Variants in KANK3 observed in about 807,000 individuals in gnomAD.
KANK3 encodes the protein KN motif and ankyrin repeat domains 3.
A neutral mutation model predicts 65.4 loss-of-function variants in KANK3; 61 were observed. The observed-to-expected ratio is 0.93, with a 90% CI of 0.76 to 1.15. The LOEUF (loss-of-function observed/expected upper bound fraction) is 1.15, where lower values mean the gene tolerates loss of function less well. KANK3 is among the 50% of genes most tolerant of loss of function. The pLI, the probability that KANK3 is intolerant of heterozygous loss-of-function variation, is 0.00. For missense variants in KANK3, 1,187 were observed against 1,178.8 expected (o/e 1.01, Z -0.10); for synonymous variants, 586 against 543.3 (o/e 1.08, Z -1.09).
intron 1 of KANK3, 89 bp from the exon 2 acceptor site, chr19:8,337,945 A>G: frequency 6.5e-7 from 1 of 1,546,530 alleles, no homozygotes; most frequent in East Asian, 2.4e-5. Flanking sequence ...ACAGGACCCA[A>G]GAGCTCTCCT....
At position 8,324,745 on chromosome 19, in the gene KANK3, T is replaced by C. The variant is rs1970390748; in HGVS notation, c.2168A>G (p.Asn723Ser). 4 of 1,614,066 alleles carry C rather than the reference T, an allele frequency of 2.5e-6. No individual in the cohort carries two copies. The highest frequency in any genetic ancestry group is 3.4e-6 in the Non-Finnish European group (4 of 1,180,014). The part of the protein sequence containing the change: ...ATLLACGADV[N>S]AQDADGATAL... ...TGTGGCCCCATCCGCATCCTGCGCATTCACATCAGCCCCACACGCCAGTAG... is the reference window on the plus strand; with the variant it reads ...TGTGGCCCCATCCGCATCCTGCGCACTCACATCAGCCCCACACGCCAGTAG... The change falls in exon 9 of 11, where the codon AAT becomes AGT. Residue 723 changes from asparagine to serine, a missense_variant. Around this residue, in one of 3 missense-constraint regions of KANK3, gnomAD observed 1,078 missense variants for 1,038.2 expected, o/e 1.04. Coordinates refer to ENST00000330915, the MANE Select transcript of KANK3 (RefSeq NM_198471.3).
intron 7 of KANK3, chr19:8,332,741 T>A (rs1300172011): frequency 5.9e-6 from 1 of 168,390 alleles, no homozygotes; most frequent in Non-Finnish European, 1.2e-5. Flanking sequence ...CGCTTGAACC[T>A]GGGAGGCGGA....
rs761573919 is a variant in KANK3, at chr19:8,333,947, C to T, written c.1597G>A (p.Glu533Lys). The T allele has an allele frequency of 7.6e-6, 12 of 1,569,382 alleles. No individual in the cohort carries two copies. Among genetic ancestry groups the T allele is most frequent in the Non-Finnish European group, 1.0e-5 (12 of 1,161,508 alleles). Residue 533 changes from glutamate (E) to lysine (K), a missense_variant, in exon 5 of 11, where the codon GAG (glutamate) becomes AAG (lysine). Glu to Lys is a moderately conservative substitution (Grantham distance 56). Coordinates refer to ENST00000330915, the MANE Select transcript of KANK3 (RefSeq NM_198471.3). The surrounding 1 kb of genome is among the most constrained non-coding windows in gnomAD (Gnocchi z 5.0). ...SGGDIRDPEP[E>K]AEAEPQQVAQ... Reference sequence around the variant, plus strand: ...ACCTGCTGAGGCTCTGCCTCCGCCTCGGGCTCAGGGTCCCGGATGTCCCCG... The same window carrying T: ...ACCTGCTGAGGCTCTGCCTCCGCCTTGGGCTCAGGGTCCCGGATGTCCCCG...
chr19:8,332,883 A>G (rs1011836268), intron 7 of KANK3, 131 bp downstream of exon 7: 21 of 513,534 alleles, frequency 4.1e-5, no homozygotes, highest in African/African-American at 2.7e-4. Context: ...AATAAACTCA[A>G]GGAGGAGTGG....
rs1555684729 is a variant in KANK3 at position 8,340,275 on chromosome 19, C to CAT, written c.-28-2421_-28-2420dup. Among the ~76,000 whole-genome samples, 560 of 66,086 alleles carry CAT rather than the reference C, an allele frequency of 8.5e-3. 7 individuals carry two copies. The highest frequency in any genetic ancestry group is 0.012 in the East Asian group (22 of 1,906). 43.4% of individuals were successfully genotyped at this position (66,086 alleles called of 152,430 possible). A position where few individuals can be genotyped will look rare whatever the true frequency, so the allele number is the denominator to read the frequency against. The stretch of plus-strand genomic sequence containing the variant: ...AGACTCCGTCTCAAAAAAAAAAAAC[C>CAT]ATATATATATATATATACACACACA... On this transcript the variant is annotated intron_variant, in intron 1 of 10. Coordinates refer to ENST00000330915, the MANE Select transcript of KANK3 (RefSeq NM_198471.3).
At position 8,324,935 on chromosome 19, in the gene KANK3, G is replaced by A; in HGVS notation, c.2082+16C>T. ...GTGACTCCTGGCTGAGAGCCACAGTGGGGGCGCCCACGCACCTGACTGGCC... is the reference window on the plus strand; with the variant it reads ...GTGACTCCTGGCTGAGAGCCACAGTAGGGGCGCCCACGCACCTGACTGGCC... On this transcript the variant is annotated intron_variant, in intron 8 of 10. Coordinates refer to ENST00000330915, the MANE Select transcript of KANK3 (RefSeq NM_198471.3). The A allele has an allele frequency of 6.2e-7, 1 of 1,611,392 alleles. No individual in the cohort carries two copies. The highest frequency in any genetic ancestry group is 1.7e-5 in the Admixed American group (1 of 59,872).
intron 7 of KANK3, among the ~76,000 whole-genome samples, chr19:8,330,651 C>T (rs112247449): frequency 3.0e-3 from 454 of 151,916 alleles, no homozygotes; most frequent in African/African-American, 0.011. Flanking sequence ...TCACTTGAAT[C>T]TGGGAGGCGG....
At chr19:8,336,431 C>CT (rs139933853) in intron 2 of KANK3, among the ~76,000 whole-genome samples, 23,210 of 91,226 alleles carry the variant, frequency 0.25, 2,110 homozygotes, top group Non-Finnish European at 0.29. Context: ...AAGAGAACCT[C>CT]TCAAAAAAAA....
chr19:8,334,392 CTCT>C lies in KANK3; in HGVS notation c.1352_1354del (p.Lys451del). ...GGGTTGGGCACCAGGTGTGCCGTCT[CTCT>C]TCTTCATGATGGATTTGAGGATGCC... On this transcript the variant is annotated inframe_deletion, in exon 4 of 11. Coordinates refer to ENST00000330915, the MANE Select transcript of KANK3 (RefSeq NM_198471.3). 6.2e-7 allele frequency: 1 copy of C among 1,614,104 alleles called. No individual in the cohort carries two copies. The highest frequency in any genetic ancestry group is 8.5e-7 in the Non-Finnish European group (1 of 1,180,016).
chr19:8,325,170 A>C, intron 7 of KANK3, 74 bp from the exon 8 acceptor site: 1 of 1,487,468 alleles, frequency 6.7e-7, no homozygotes, highest in Admixed American at 2.2e-5. Flanking sequence ...CCTCCCTGCA[A>C]GCCTCGGGCA....
intron 1 of KANK3, among the ~76,000 whole-genome samples, chr19:8,340,289 T>C (rs980559036): frequency 6.5e-5 from 4 of 61,508 alleles, no homozygotes; most frequent in Non-Finnish European, 9.2e-5. Flanking sequence ...TATATATATA[T>C]ATACACACAC....
At chr19:8,329,539 G>A (rs1050392814) in intron 7 of KANK3, among the ~76,000 whole-genome samples, 2 of 147,300 alleles carry the variant, frequency 1.4e-5, no homozygotes, top group African/African-American at 5.0e-5. Flanking sequence ...AGAATGCTCT[G>A]GAAATGCAAT....
At chr19:8,339,319 C>A (rs959990355) in intron 1 of KANK3, among the ~76,000 whole-genome samples, 3 of 151,294 alleles carry the variant, frequency 2.0e-5, no homozygotes, top group Admixed American at 2.0e-4. Context: ...GCCTAGGAGT[C>A]AAGACCCACC....
At position 8,341,865 on chromosome 19, in the gene KANK3, G is replaced by C. The variant is rs1345199374; in HGVS notation, c.-29+1360C>G. Among the ~76,000 whole-genome samples, 64 of 152,296 alleles carry C rather than the reference G, an allele frequency of 4.2e-4. 1 individual carries two copies. Among genetic ancestry groups the C allele is most frequent in the Non-Finnish European group, 1.2e-4 (8 of 68,024 alleles). On this transcript the variant is annotated intron_variant, in intron 1 of 10. Transcript: ENST00000330915. ...TATGATCATTGTCCCTTCCCCTATT[G>C]TACAGATGGAGAAACTGAGACACAG...
chr19:8,332,399 A>G (rs1436262778), intron 7 of KANK3, among the ~76,000 whole-genome samples: 1 of 151,540 alleles, frequency 6.6e-6, no homozygotes, highest in Non-Finnish European at 1.5e-5. Flanking sequence ...GCCGGTCTCG[A>G]ACTCCTGACC....
intron 7 of KANK3, among the ~76,000 whole-genome samples, chr19:8,330,002 G>A (rs936040512): frequency 2.0e-5 from 3 of 152,168 alleles, no homozygotes; most frequent in Admixed American, 2.0e-4. Context: ...AGGAGCTAAA[G>A]TTCAAGAAAG....
rs1252464542 is a variant in KANK3 at position 8,334,006 on chromosome 19, C to G, written c.1538G>C (p.Gly513Ala). The change falls in exon 5 of 11, where the codon GGA (glycine) becomes GCA (alanine). Residue 513 changes from glycine (G) to alanine (A), a missense_variant. Gly to Ala is a moderately conservative substitution (Grantham distance 60). Coordinates refer to ENST00000330915, the MANE Select transcript of KANK3 (RefSeq NM_198471.3). ...AGGGCCAGGGGTGCCCGAGTCGGAT[C>G]CCCCGCCGCTGTCATCCCCGGAGCC... ...SSGSGDDSGG[G>A]SDSGTPGPPS... is the part of the protein sequence containing the mutation. The G allele has an allele frequency of 1.9e-6, 3 of 1,559,434 alleles. No homozygotes were observed. The highest frequency in any genetic ancestry group is 2.6e-6 in the Non-Finnish European group (3 of 1,159,020).
In KANK3 at chr19:8,322,942, G is replaced by T; in HGVS notation, c.2383-20C>A. ...CTCGCTCTGGAGAGAGGGGAAAAGAGGGGGGCCTGCTGCAATCTCCTTGAG... is the reference window on the plus strand; with the variant it reads ...CTCGCTCTGGAGAGAGGGGAAAAGATGGGGGCCTGCTGCAATCTCCTTGAG... On this transcript the variant is annotated intron_variant, in intron 10 of 10. Transcript: ENST00000330915. 7.3e-7 allele frequency: 1 copy of T among 1,367,484 alleles called. No homozygotes were observed. The highest frequency in any genetic ancestry group is 9.9e-7 in the Non-Finnish European group (1 of 1,010,454). 84.7% of individuals were successfully genotyped at this position (1,367,484 alleles called of 1,614,324 possible).
rs533427620 is a variant in KANK3, at chr19:8,335,276, T to C, written c.551A>G (p.Gln184Arg). The change falls in exon 3 of 11, where the codon CAG becomes CGG. Residue 184 changes from glutamine to arginine, a missense_variant. Gln to Arg is a conservative substitution (Grantham distance 43). Transcript: ENST00000330915. Reference protein sequence around the residue: ...APASPGPAQLQLVREQMAAAL... With the variant: ...APASPGPAQLRLVREQMAAAL... ...CGCGGCCATCTGCTCGCGCACCAGC[T>C]GCAGTTGGGCAGGGCCGGGCGAAGC... The C allele has an allele frequency of 7.3e-4, 893 of 1,219,738 alleles. 19 individuals carry two copies. The East Asian group carries it at 0.029, about 40-fold the overall frequency. 75.6% of individuals were successfully genotyped at this position (1,219,738 alleles called of 1,614,324 possible).
Sources: allele counts gnomAD v4.1 joint callset (sites outside exome capture counted in the v4.1 genomes callset), GRCh38; gene constraint gnomAD v4.1.1; regional missense constraint gnomAD v4.1.1; non-coding constraint Gnocchi (gnomAD v3.1); transcripts MANE v1.5; gene names NCBI Gene and HGNC (gene_info 2026-07-23, HGNC 2026-07-21).